MAP4: variants seen among roughly 807,000 people sequenced by gnomAD.
The protein encoded by MAP4 is microtubule-associated protein 4.
Under a neutral mutation model 170.2 loss-of-function variants are expected in MAP4, and 76 were observed. The observed-to-expected ratio is 0.45, with a 90% CI of 0.37 to 0.54. The LOEUF is 0.54. MAP4 is among the 20% of genes least tolerant of loss of function. The probability of loss-of-function intolerance (pLI) is 0.00; values close to 1 mark genes in which losing one functional copy is unlikely to be tolerated. For synonymous variants in MAP4, 909 were observed against 994.5 expected (o/e 0.91, Z 1.62); for missense variants, 2,506 against 2,748.0 (o/e 0.91, Z 1.97).
In MAP4 at chr3:47,875,743, C is replaced by T. The variant is rs757154119; in HGVS notation, c.5699G>A (p.Arg1900His). Residue 1900 changes from arginine (R) to histidine (H), a missense_variant, in exon 12 of 21, where the codon CGC becomes CAC. Physicochemically the swap from Arg to His is conservative, Grantham distance 29. Around this residue, in one of 3 missense-constraint regions of MAP4, gnomAD observed 487 missense variants for 511.6 expected, o/e 0.95. Coordinates refer to ENST00000683076, the MANE Select transcript of MAP4 (RefSeq NM_001385682.1). The part of the protein sequence containing the change: ...SGLVPAAPPK[R>H]PAVASARPSI... ...AGGCCTGGCAGAGGCGACGGCAGGG[C>T]GTTTGGGTGGGGCAGCTGGCACTAA... 27 of 1,613,832 alleles carry T rather than the reference C, an allele frequency of 1.7e-5. No homozygotes were observed. Among genetic ancestry groups the T allele is most frequent in the South Asian group, 5.5e-5 (5 of 91,062 alleles).
At chr3:47,962,197 G>A (rs113321613) in intron 3 of MAP4, among the ~76,000 whole-genome samples, 2 of 152,180 alleles carry the variant, frequency 1.3e-5, no homozygotes, top group African/African-American at 4.8e-5. Flanking sequence ...CACAGACACC[G>A]ATTCTGGGCA....
At chr3:47,943,473 G>A (rs989201605) in intron 3 of MAP4, among the ~76,000 whole-genome samples, 4 of 152,026 alleles carry the variant, frequency 2.6e-5, no homozygotes, top group Non-Finnish European at 2.9e-5. Flanking sequence ...TTAGCCAGGC[G>A]TGATGGTGCA....
intron 1 of MAP4, among the ~76,000 whole-genome samples, chr3:48,060,808 AAAAT>A (rs1427173655): frequency 1.3e-5 from 2 of 152,144 alleles, no homozygotes; most frequent in Non-Finnish European, 2.9e-5. Context: ...ACCCAATCTC[AAAAT>A]AAATAAAAAA....
intron 1 of MAP4, among the ~76,000 whole-genome samples, chr3:48,037,408 T>C (rs562077111): frequency 5.9e-5 from 9 of 152,310 alleles, no homozygotes; most frequent in African/African-American, 1.9e-4. Context: ...CTTTATTTAT[T>C]TATGAGACAG....
intron 17 of MAP4, among the ~76,000 whole-genome samples, chr3:47,860,798 C>A (rs1371099725): frequency 2.0e-5 from 3 of 152,016 alleles, no homozygotes; most frequent in Non-Finnish European, 2.9e-5. Context: ...GGGGAAAAAA[C>A]CAAAACCAAA....
At chr3:47,953,919 C>A (rs1414099392) in intron 3 of MAP4, among the ~76,000 whole-genome samples, 3 of 151,688 alleles carry the variant, frequency 2.0e-5, no homozygotes, top group African/African-American at 7.3e-5. Context: ...GAGGCTGAGG[C>A]ATGAGAATTG....
intron 17 of MAP4, among the ~76,000 whole-genome samples, chr3:47,864,525 A>G (rs2075959816): frequency 6.6e-6 from 1 of 152,096 alleles, no homozygotes; most frequent in Non-Finnish European, 1.5e-5. Context: ...AAAATATAAA[A>G]AATTAGCTGG....
chr3:47,959,955 T>C (rs1405694506), intron 3 of MAP4, among the ~76,000 whole-genome samples: 3 of 151,936 alleles, frequency 2.0e-5, no homozygotes, highest in Non-Finnish European at 4.4e-5. Context: ...CTCTGCCTCC[T>C]GGGTTCAAGC....
chr3:47,871,349 AT>A, intron 13 of MAP4, 63 bp from the exon 14 acceptor site: 3 of 1,265,842 alleles, frequency 2.4e-6, no homozygotes, highest in Non-Finnish European at 3.5e-6. Flanking sequence ...AGTTCATCCA[AT>A]AGTGAGATTC....
rs2044822833 is a variant in MAP4 at position 47,852,658 on chromosome 3, A to C, written c.*276T>G. 7 of 1,278,568 alleles carry C rather than the reference A, an allele frequency of 5.5e-6. No homozygotes were observed. The South Asian group carries it at 1.0e-4, about 19-fold the overall frequency. The allele number at this position is 1,278,568 out of a possible 1,614,324, so 79.2% of individuals were successfully genotyped here. A position where few individuals can be genotyped will look rare whatever the true frequency, so the allele number is the denominator to read the frequency against. ...AGTGGCGCAGTGATGGGGCAAGACC[A>C]AAGCAGGGAGATGGGCCCAGGCTGG... On this transcript the variant is annotated 3_prime_UTR_variant, in exon 21 of 21. Coordinates refer to ENST00000683076, the MANE Select transcript of MAP4 (RefSeq NM_001385682.1).
At chr3:47,964,010 C>A (rs897049757) in intron 3 of MAP4, among the ~76,000 whole-genome samples, 1 of 152,202 alleles carries the variant, frequency 6.6e-6, no homozygotes, top group African/African-American at 2.4e-5. Context: ...AGATGCCCAC[C>A]TGGCTTGTTC....
At chr3:47,901,756 A>C (rs1039766880) in intron 10 of MAP4, among the ~76,000 whole-genome samples, 3 of 152,170 alleles carry the variant, frequency 2.0e-5, no homozygotes, top group Admixed American at 6.6e-5. Flanking sequence ...CTGTAAATCA[A>C]AACTAAGTTT....
intron 1 of MAP4, among the ~76,000 whole-genome samples, chr3:48,086,256 G>C (rs1029083780): frequency 6.7e-6 from 1 of 150,278 alleles, no homozygotes. Context: ...CTGGGAGGCA[G>C]AGGTTGCAGT....
Position 47,998,932 on chromosome 3 carries a change from C to T in MAP4, c.-19-53G>A, listed in dbSNP as rs2100097748. 3.0e-6 allele frequency: 3 copies of T among 997,240 alleles called. No individual in the cohort carries two copies. In the East Asian group the frequency reaches 7.1e-5, roughly 24 times the overall value. 61.8% of individuals were successfully genotyped at this position (997,240 alleles called of 1,614,324 possible). On this transcript the variant is annotated intron_variant, in intron 1 of 20. Transcript: ENST00000683076. ...GTAACGAGCACTGCAAAAGGAAAAA[C>T]ATTTCTAGAAACTCTTGTCAATTGT...
At chr3:48,041,381 A>G (rs970817081) in intron 1 of MAP4, among the ~76,000 whole-genome samples, 2 of 152,108 alleles carry the variant, frequency 1.3e-5, no homozygotes, top group African/African-American at 4.8e-5. Flanking sequence ...CAAAGTGCTG[A>G]GATAACAGGC....
At chr3:47,862,578 A>G (rs1055066133) in intron 17 of MAP4, among the ~76,000 whole-genome samples, 2 of 151,986 alleles carry the variant, frequency 1.3e-5, no homozygotes, top group Admixed American at 1.3e-4. Context: ...CCCGGGTTCA[A>G]GTGATTCTCC....
At chr3:48,037,892 C>A (rs1308112953) in intron 1 of MAP4, among the ~76,000 whole-genome samples, 1 of 151,898 alleles carries the variant, frequency 6.6e-6, no homozygotes, top group East Asian at 1.9e-4. Flanking sequence ...TTCGGCCAGG[C>A]ACAGTGGCTC....
intron 17 of MAP4, among the ~76,000 whole-genome samples, chr3:47,863,989 C>T (rs1252624888): frequency 6.8e-6 from 1 of 147,896 alleles, no homozygotes; most frequent in South Asian, 2.1e-4. Flanking sequence ...AGGTCCTCCT[C>T]CCTTTTTTTT....
intron 10 of MAP4, among the ~76,000 whole-genome samples, chr3:47,886,854 G>A (rs1031558686): frequency 6.6e-6 from 1 of 152,104 alleles, no homozygotes; most frequent in African/African-American, 2.4e-5. Context: ...CATATCCTCA[G>A]CGTTTCATCT....
Sources: allele counts gnomAD v4.1 joint callset (sites outside exome capture counted in the v4.1 genomes callset), GRCh38; gene constraint gnomAD v4.1.1; regional missense constraint gnomAD v4.1.1; transcripts MANE v1.5; gene names NCBI Gene and HGNC (gene_info 2026-07-23, HGNC 2026-07-21).